The following CCDC66 variants were observed in gnomAD, a reference collection of about 807,000 sequenced individuals.
The protein encoded by CCDC66 is coiled-coil domain-containing protein 66.
CCDC66 carries 133 observed loss-of-function variants against 128.3 expected under a neutral mutation model. The observed-to-expected ratio is 1.04, with a 90% CI of 0.90 to 1.20. CCDC66 has a LOEUF of 1.20. Among genes scored for constraint, CCDC66 ranks in the 50% most tolerant of loss-of-function variants. The pLI, the probability that CCDC66 is intolerant of heterozygous loss-of-function variation, is 0.00. For missense variants in CCDC66, 1,126 were observed against 1,075.5 expected, an observed-to-expected ratio of 1.05 and a Z score of -0.66; for synonymous variants, 387 against 357.0, an observed-to-expected ratio of 1.08 and a Z score of -0.95.
intron 6 of CCDC66, among the ~76,000 whole-genome samples, chr3:56,567,628 A>G (rs916144204): frequency 2.0e-5 from 3 of 152,204 alleles, no homozygotes; most frequent in Non-Finnish European, 4.4e-5. Flanking sequence ...GGGTTGGAGC[A>G]TGGCAAAACA....
At position 56,617,540 on chromosome 3, in the gene CCDC66, C is replaced by CAAAA; in HGVS notation, c.2272_2273insAAAA (p.Pro758GlnfsTer65). 6.2e-7 allele frequency: 1 copy of CAAAA among 1,610,310 alleles called. No individual in the cohort carries two copies. Among genetic ancestry groups the CAAAA allele is most frequent in the Non-Finnish European group, 8.5e-7 (1 of 1,179,158 alleles). On this transcript the variant is annotated frameshift_variant, in exon 14 of 18. Transcript: ENST00000394672. LOFTEE classifies it high-confidence loss of function. ...CCTCTCTCAAAACAGAGGCATTTCA[C>CAAAA]CAGAAATTTTTCATTCATCTCATCA... is the stretch of plus-strand genomic sequence containing the variant.
rs753875788 is a variant in CCDC66, at chr3:56,597,776, G to GTTTTTTTT, written c.1404+3748_1404+3749insTTTTTTTT. ...TTGTGGAGTCTAGGTTTTGTTTTGG[G>GTTTTTTTT]GTTTTTTTTTTTTTTTGAGACAGAG... On this transcript the variant is annotated intron_variant, in intron 10 of 17. Coordinates refer to ENST00000394672, the MANE Select transcript of CCDC66 (RefSeq NM_001141947.3). 1.3e-3 allele frequency among the ~76,000 whole-genome samples: 80 copies of GTTTTTTTT among 61,844 alleles called. 13 individuals carry two copies. Among genetic ancestry groups the GTTTTTTTT allele is most frequent in the Middle Eastern group, 0.011 (1 of 88 alleles). The allele number at this position is 61,844 out of a possible 152,430, so 40.6% of individuals were successfully genotyped here. A position where few individuals can be genotyped will look rare whatever the true frequency, so the allele number is the denominator to read the frequency against.
intron 3 of CCDC66, chr3:56,561,104 C>A: frequency 4.7e-6 from 2 of 423,920 alleles, no homozygotes; most frequent in Non-Finnish European, 4.7e-6. Flanking sequence ...GCTCCCCAAT[C>A]ACAGACTACA....
rs900376187 is a variant in CCDC66 at position 56,609,286 on chromosome 3, CAT to C, written c.1405-4298_1405-4297del. 5.9e-5 allele frequency among the ~76,000 whole-genome samples: 9 copies of C among 152,244 alleles called. 1 individual carries two copies. The highest frequency in any genetic ancestry group is 1.3e-4 in the Admixed American group (2 of 15,296). ...AGTTTGGGAGCTACAGTGTTAGGTG[CAT>C]ATATGTTTAGGATTGTGATGTTCTC... is the stretch of plus-strand genomic sequence containing the variant. On this transcript the variant is annotated intron_variant, in intron 10 of 17. Transcript: ENST00000394672.
chr3:56,584,086 ACGGGGCGGC>A (rs2069001204), intron 7 of CCDC66, among the ~76,000 whole-genome samples: 1 of 127,928 alleles, frequency 7.8e-6, no homozygotes, highest in African/African-American at 2.9e-5. Flanking sequence ...TCCCTCCCGG[ACGGGGCGGC>A]TGGCCGGGCG....
intron 7 of CCDC66, among the ~76,000 whole-genome samples, chr3:56,588,726 T>C (rs1399722014): frequency 6.6e-6 from 1 of 152,178 alleles, no homozygotes; most frequent in Non-Finnish European, 1.5e-5. Flanking sequence ...TTAAGCTAGA[T>C]ATCAGTAACA....
At chr3:56,558,720 T>G in intron 1 of CCDC66, 126 bp from the exon 2 acceptor site, 1 of 742,058 alleles carries the variant, frequency 1.3e-6, no homozygotes, top group South Asian at 1.5e-5. Flanking sequence ...ACTGGTTCGA[T>G]GTGTACAAGA....
chr3:56,558,954 A>G (rs2064736129), intron 2 of CCDC66, 44 bp downstream of exon 2: 6 of 1,337,938 alleles, frequency 4.5e-6, no homozygotes, highest in Non-Finnish European at 6.2e-6. Flanking sequence ...TTTTAAATTC[A>G]TACATAAAAT....
intron 7 of CCDC66, among the ~76,000 whole-genome samples, chr3:56,584,197 CGCTCCTCACTTCCCAGACGGGGT>C (rs2069066741): frequency 1.6e-5 from 1 of 64,046 alleles, no homozygotes; most frequent in African/African-American, 5.1e-5. Context: ...CGGGCGGAGA[CGCTCCTCACTTCCCAGACGGGGT>C]GGCTGCCGGG....
intron 10 of CCDC66, among the ~76,000 whole-genome samples, chr3:56,612,305 TA>T (rs1297142733): frequency 1.3e-5 from 2 of 152,206 alleles, no homozygotes; most frequent in African/African-American, 4.8e-5. Context: ...GTGGTATCTG[TA>T]ATTTCCTTGG....
chr3:56,611,081 C>T (rs1470308191), intron 10 of CCDC66, among the ~76,000 whole-genome samples: 2 of 152,004 alleles, frequency 1.3e-5, no homozygotes, highest in Admixed American at 1.3e-4. Context: ...AAAGCATCAG[C>T]TGTAGTAGTG....
intron 7 of CCDC66, among the ~76,000 whole-genome samples, chr3:56,582,790 A>G (rs1252282261): frequency 6.7e-6 from 1 of 150,228 alleles, no homozygotes; most frequent in African/African-American, 2.4e-5. Flanking sequence ...AGATAGTCAT[A>G]TATGCATAAT....
intron 10 of CCDC66, among the ~76,000 whole-genome samples, chr3:56,597,777 G>T (rs282527): frequency 0.39 from 33,778 of 86,882 alleles, 9,204 homozygotes; most frequent in Non-Finnish European, 0.53. Context: ...TTGTTTTGGG[G>T]TTTTTTTTTT....
rs753875788 is a variant in CCDC66, at chr3:56,597,776, G to GTTTTTTTTTTTTTTGTT, written c.1404+3748_1404+3749insTTTTTTTTTTTTTTGTT. ...TTGTGGAGTCTAGGTTTTGTTTTGG[G>GTTTTTTTTTTTTTTGTT]GTTTTTTTTTTTTTTTGAGACAGAG... On this transcript the variant is annotated intron_variant, in intron 10 of 17. Coordinates refer to ENST00000394672, the MANE Select transcript of CCDC66 (RefSeq NM_001141947.3). Among the ~76,000 whole-genome samples the GTTTTTTTTTTTTTTGTT allele has an allele frequency of 1.6e-4, 10 of 61,858 alleles. 1 individual carries two copies. Among genetic ancestry groups the GTTTTTTTTTTTTTTGTT allele is most frequent in the Non-Finnish European group, 2.6e-4 (10 of 38,244 alleles). The allele number at this position is 61,858 out of a possible 152,430, so 40.6% of individuals were successfully genotyped here.
chr3:56,616,159 G>A, intron 13 of CCDC66, 106 bp downstream of exon 13: 1 of 989,612 alleles, frequency 1.0e-6, no homozygotes, highest in East Asian at 3.0e-5. Flanking sequence ...CAAAACTTGA[G>A]GTTTTCAGTA....
At chr3:56,575,721 T>G (rs1016025370) in intron 7 of CCDC66, among the ~76,000 whole-genome samples, 2 of 151,910 alleles carry the variant, frequency 1.3e-5, no homozygotes, top group Non-Finnish European at 2.9e-5. Context: ...CTCTTATGTT[T>G]AGGTCTTTGA....
chr3:56,585,667 C>T (rs756212441), intron 7 of CCDC66, among the ~76,000 whole-genome samples: 5 of 151,622 alleles, frequency 3.3e-5, no homozygotes, highest in Non-Finnish European at 5.9e-5. Flanking sequence ...TCAAAGTAAC[C>T]TTAGTTTTCT....
At chr3:56,586,939 C>T (rs2069878252) in intron 7 of CCDC66, among the ~76,000 whole-genome samples, 1 of 151,736 alleles carries the variant, frequency 6.6e-6, no homozygotes, top group Admixed American at 6.6e-5. Context: ...TCCTGTAGTC[C>T]TAGCTATTCT....
chr3:56,614,387 G>A (rs982143877), intron 11 of CCDC66, among the ~76,000 whole-genome samples: 2 of 152,106 alleles, frequency 1.3e-5, no homozygotes, highest in Non-Finnish European at 2.9e-5. Flanking sequence ...TTCTAGGTAT[G>A]TTAAGAGAAA....
Sources: allele counts gnomAD v4.1 joint callset (sites outside exome capture counted in the v4.1 genomes callset), GRCh38; gene constraint gnomAD v4.1.1; transcripts MANE v1.5; gene names NCBI Gene and HGNC (gene_info 2026-07-23, HGNC 2026-07-21).